MSI2: variants seen among roughly 807,000 people sequenced by gnomAD.
MSI2 encodes musashi RNA binding protein 2.
Under a neutral mutation model 45.6 loss-of-function variants are expected in MSI2, and 17 were observed. The observed-to-expected ratio is 0.37, with a 90% confidence interval of 0.26 to 0.56. The LOEUF is 0.56. Among genes scored for constraint, MSI2 ranks in the 20% least tolerant of loss-of-function variants. The pLI is 0.77. For missense variants in MSI2, 293 were observed against 444.2 expected, an observed-to-expected ratio of 0.66 and a Z score of 3.06; for synonymous variants, 156 against 158.2, an observed-to-expected ratio of 0.99 and a Z score of 0.11.
chr17:57,451,675 TG>T (rs1347662008), intron 6 of MSI2, among the ~76,000 whole-genome samples: 2 of 152,234 alleles, frequency 1.3e-5, no homozygotes, highest in Admixed American at 6.5e-5. Flanking sequence ...TCCAGTGCTT[TG>T]CTGCTGTCTG....
At chr17:57,256,469 GGGA>G, upstream of MSI2, 1 of 236,478 alleles carries the variant, frequency 4.2e-6, no homozygotes. Flanking sequence ...GATGGGGGTG[GGGA>G]GGAGGAGGGG....
intron 8 of MSI2, among the ~76,000 whole-genome samples, chr17:57,598,676 T>A (rs534382888): frequency 1.3e-5 from 2 of 151,342 alleles, no homozygotes; most frequent in Non-Finnish European, 1.5e-5. Context: ...TTTTTTTTTT[T>A]AATTGAGACA....
Position 57,596,826 on chromosome 17 carries a change from C to A in MSI2, c.455-42C>A, listed in dbSNP as rs774357862. The A allele has an allele frequency of 6.8e-7, 1 of 1,465,270 alleles. No homozygotes were observed. 90.8% of individuals were successfully genotyped at this position (1,465,270 alleles called of 1,614,324 possible). The stretch of plus-strand genomic sequence containing the variant: ...CCTGGGCCTGCCAGAACTGAACTCA[C>A]CCCGCCTCTCTTTGTTTTTTCTTCT... On this transcript the variant is annotated intron_variant, in intron 7 of 13. Transcript: ENST00000284073. This position sits in a 1 kb window ranked among gnomAD's most constrained non-coding sequence, Gnocchi z 4.6.
At chr17:57,310,862 C>T (rs1218167355) in intron 5 of MSI2, among the ~76,000 whole-genome samples, 1 of 152,240 alleles carries the variant, frequency 6.6e-6, no homozygotes, top group Non-Finnish European at 1.5e-5. Flanking sequence ...GCCTTGGCAT[C>T]AGATAGACCC....
chr17:57,647,448 CA>C lies in MSI2; in HGVS notation c.728-4637del, dbSNP rs573792115. ...TGAACATCAGAGTGAGACTCTGTCT[CA>C]AAAAAAAAAAAAAGTAAAGGAAAAA... On this transcript the variant is annotated intron_variant, in intron 10 of 13. Coordinates refer to ENST00000284073, the MANE Select transcript of MSI2 (RefSeq NM_138962.4). 1.8e-3 allele frequency among the ~76,000 whole-genome samples: 236 copies of C among 128,422 alleles called. 1 individual carries two copies. Among genetic ancestry groups the C allele is most frequent in the Middle Eastern group, 4.2e-3 (1 of 238 alleles). 84.2% of individuals were successfully genotyped at this position (128,422 alleles called of 152,430 possible). A position where few individuals can be genotyped will look rare whatever the true frequency, so the allele number is the denominator to read the frequency against.
chr17:57,669,809 T>C (rs1041015547), intron 11 of MSI2, among the ~76,000 whole-genome samples: 3 of 152,246 alleles, frequency 2.0e-5, no homozygotes, highest in Non-Finnish European at 4.4e-5. Context: ...AGGTGGGCCC[T>C]CCATTGCATT....
chr17:57,633,903 A>G (rs1041892343), intron 10 of MSI2, among the ~76,000 whole-genome samples: 8 of 152,160 alleles, frequency 5.3e-5, no homozygotes, highest in Admixed American at 5.2e-4. Context: ...CCCATGAGGG[A>G]TCTGTCATCA....
chr17:57,439,439 T>C (rs989967466), intron 6 of MSI2, among the ~76,000 whole-genome samples: 19 of 151,900 alleles, frequency 1.3e-4, no homozygotes, highest in African/African-American at 4.6e-4. Flanking sequence ...GGGCAGAGAG[T>C]TGGGTCAACC....
At chr17:57,373,071 G>C (rs548202654) in intron 5 of MSI2, among the ~76,000 whole-genome samples, 1 of 152,090 alleles carries the variant, frequency 6.6e-6, no homozygotes, top group African/African-American at 2.4e-5. Flanking sequence ...CAACATAGTG[G>C]TAGAGACATA....
intron 7 of MSI2, among the ~76,000 whole-genome samples, chr17:57,543,247 T>A (rs1001233392): frequency 2.0e-5 from 3 of 152,286 alleles, no homozygotes; most frequent in Middle Eastern, 3.4e-3. Flanking sequence ...CCCAGCAAAC[T>A]AATGAGAATT....
intron 6 of MSI2, among the ~76,000 whole-genome samples, chr17:57,409,924 C>T (rs561527207): frequency 2.7e-5 from 4 of 145,766 alleles, no homozygotes; most frequent in African/African-American, 1.0e-4. Flanking sequence ...AGGAGAATCT[C>T]TTGAACCCAG....
intron 6 of MSI2, among the ~76,000 whole-genome samples, chr17:57,499,471 G>A (rs776567853): frequency 6.6e-6 from 1 of 151,166 alleles, no homozygotes; most frequent in Non-Finnish European, 1.5e-5. Context: ...ACAAAATCAA[G>A]GGCAGACTTG....
At chr17:57,315,755 A>G (rs911616872) in intron 5 of MSI2, among the ~76,000 whole-genome samples, 2 of 152,090 alleles carry the variant, frequency 1.3e-5, no homozygotes, top group African/African-American at 4.8e-5. Context: ...CTTTCCTTCA[A>G]TCCTTGGGAG....
intron 5 of MSI2, chr17:57,279,109 G>A (rs1386697653): frequency 6.6e-6 from 1 of 152,250 alleles, no homozygotes; most frequent in African/African-American, 2.4e-5. Context: ...AGGTGGAAAG[G>A]GGAATCTATG....
At chr17:57,498,634 G>A (rs1346965791) in intron 6 of MSI2, among the ~76,000 whole-genome samples, 6 of 152,190 alleles carry the variant, frequency 3.9e-5, no homozygotes, top group Admixed American at 1.3e-4. Flanking sequence ...TGTGCCGCGC[G>A]GGGAGCTCAG....
chr17:57,257,433 C>T (rs758857571), intron 2 of MSI2, 33 bp from the exon 3 acceptor site: 22 of 874,734 alleles, frequency 2.5e-5, no homozygotes, highest in Non-Finnish European at 3.1e-5. Flanking sequence ...CACCTTCTCT[C>T]CCCCCCCCAT....
intron 5 of MSI2, among the ~76,000 whole-genome samples, chr17:57,305,028 G>A (rs1046885058): frequency 6.6e-6 from 1 of 152,178 alleles, no homozygotes; most frequent in African/African-American, 2.4e-5. Flanking sequence ...CTCTCAGAGA[G>A]CTTATAGTCT....
At chr17:57,644,371 G>A (rs1910493416) in intron 10 of MSI2, among the ~76,000 whole-genome samples, 1 of 151,964 alleles carries the variant, frequency 6.6e-6, no homozygotes, top group African/African-American at 2.4e-5. Flanking sequence ...CTCCAAACAT[G>A]TGCCATCCAC....
Position 57,596,856 on chromosome 17 carries a change from CTT to C in MSI2, c.455-9_455-8del. ...CCTCTCTTTGTTTTTTCTTCTCTCT[CTT>C]TTCCTTTAGGGTTTGGCTTTGTCAC... On this transcript the variant is annotated splice_polypyrimidine_tract_variant and intron_variant, in intron 7 of 13. Transcript: ENST00000284073. The surrounding 1 kb of genome is among the most constrained non-coding windows in gnomAD (Gnocchi z 4.6). 6.2e-7 allele frequency: 1 copy of C among 1,605,846 alleles called. No individual in the cohort carries two copies. Among genetic ancestry groups the C allele is most frequent in the South Asian group, 1.1e-5 (1 of 90,904 alleles).
Sources: gnomAD v4.1 joint callset for allele counts (sites outside exome capture counted in the v4.1 genomes callset) on GRCh38, gnomAD v4.1.1 for gene constraint, Gnocchi (gnomAD v3.1) non-coding constraint, MANE v1.5 for transcripts, NCBI Gene and HGNC (gene_info 2026-07-23, HGNC 2026-07-21) for gene names.